The following GSTA5 variants were observed in gnomAD, a reference collection of about 807,000 sequenced individuals.
GSTA5 encodes the protein glutathione S-transferase A5.
GSTA5 carries 25 observed loss-of-function variants against 21.8 expected under a neutral mutation model. The observed-to-expected ratio is 1.14, with a 90% CI of 0.83 to 1.60. GSTA5 has a LOEUF of 1.60. GSTA5 is among the 40% of genes most tolerant of loss of function. The probability of loss-of-function intolerance (pLI) is 0.00; values close to 1 mark genes in which losing one functional copy is unlikely to be tolerated. For synonymous variants in GSTA5, 102 were observed against 89.5 expected, an observed-to-expected ratio of 1.14 and a Z score of -0.78; for missense variants, 330 against 259.2, an observed-to-expected ratio of 1.27 and a Z score of -1.88.
At chr6:52,831,892 C>T in exon 6 of GSTA5, 1 of 1,613,888 alleles carries the variant, frequency 6.2e-7, no homozygotes. Context: ...GATTTCTCAT[C>T]CATGGGAGGC....
At chr6:52,835,735 G>C (rs188859630) in intron 3 of GSTA5, among the ~76,000 whole-genome samples, 1 of 152,292 alleles carries the variant, frequency 6.6e-6, no homozygotes, top group East Asian at 1.9e-4. Context: ...CTGGGCACCA[G>C]CCTCTACTAG....
At chr6:52,844,153 G>A (rs971386127), upstream of GSTA5, among the ~76,000 whole-genome samples, 4 of 152,298 alleles carry the variant, frequency 2.6e-5, no homozygotes, top group South Asian at 2.1e-4. Flanking sequence ...GAAAGCTAAA[G>A]CACCTATCTC....
intron 3 of GSTA5, 107 bp from the exon 4 acceptor site, chr6:52,834,389 C>T (rs1764264357): frequency 9.3e-7 from 1 of 1,069,852 alleles, no homozygotes; most frequent in Non-Finnish European, 1.4e-6. Flanking sequence ...AGTAATTCAC[C>T]TCCAGTTAGT....
chr6:52,833,748 A>T (rs1005674626), intron 4 of GSTA5, among the ~76,000 whole-genome samples: 10 of 152,330 alleles, frequency 6.6e-5, no homozygotes, highest in African/African-American at 2.4e-4. Context: ...CTTCCTACAC[A>T]GGATGCCAGA....
upstream of GSTA5, among the ~76,000 whole-genome samples, chr6:52,845,095 T>C (rs1235531701): frequency 6.6e-6 from 1 of 152,146 alleles, no homozygotes; most frequent in Non-Finnish European, 1.5e-5. Context: ...TCCAGACATA[T>C]CAAATCTGTC....
intron 4 of GSTA5, 48 bp from the exon 5 acceptor site, chr6:52,833,038 G>A (rs1445479209): frequency 1.2e-6 from 2 of 1,607,544 alleles, no homozygotes; most frequent in South Asian, 2.2e-5. Flanking sequence ...CACCCAGGCT[G>A]GGACCCCTGC....
chr6:52,845,451 A>C (rs999788254), upstream of GSTA5, among the ~76,000 whole-genome samples: 1 of 152,190 alleles, frequency 6.6e-6, no homozygotes, highest in Non-Finnish European at 1.5e-5. Flanking sequence ...CTCCATTCAA[A>C]GAATTACACA....
At chr6:52,842,406 C>CTTTTT (rs3063633), upstream of GSTA5, among the ~76,000 whole-genome samples, 4 of 128,804 alleles carry the variant, frequency 3.1e-5, no homozygotes, top group Non-Finnish European at 6.3e-5. Context: ...TAATGTATTT[C>CTTTTT]TTTTTTTTTT....
intron 4 of GSTA5, 117 bp from the exon 5 acceptor site, chr6:52,833,107 G>A (rs1362754819): frequency 2.6e-6 from 3 of 1,133,052 alleles, no homozygotes; most frequent in Middle Eastern, 2.0e-4. Context: ...TTGCATGGGT[G>A]CAGAAATCCC....
upstream of GSTA5, among the ~76,000 whole-genome samples, chr6:52,843,820 C>A (rs1764417449): frequency 6.6e-6 from 1 of 152,176 alleles, no homozygotes; most frequent in Admixed American, 6.5e-5. Flanking sequence ...ACACTAAGCT[C>A]CCTTAGCCAT....
At chr6:52,840,625 G>A in intron 1 of GSTA5, 102 bp downstream of exon 1, 3 of 1,065,864 alleles carry the variant, frequency 2.8e-6, no homozygotes, top group South Asian at 2.8e-5. Flanking sequence ...TTTTATTTAA[G>A]GCACAATGCT....
chr6:52,840,343 A>G (rs958804933), intron 1 of GSTA5, among the ~76,000 whole-genome samples: 3 of 152,218 alleles, frequency 2.0e-5, no homozygotes, highest in Non-Finnish European at 2.9e-5. Flanking sequence ...TGTTTTCCTA[A>G]AACACATAAA....
exon 6 of GSTA5, chr6:52,831,967 G>A (rs778626136): frequency 1.1e-4 from 172 of 1,612,308 alleles, no homozygotes; most frequent in Non-Finnish European, 1.4e-4. Context: ...CTGGTTTTCA[G>A]GGCCTGTAAT....
Position 52,836,373 on chromosome 6 carries a change from G to GA in GSTA5, c.140-6dup. On this transcript the variant is annotated splice_polypyrimidine_tract_variant and splice_region_variant and intron_variant, in intron 2 of 5. Coordinates refer to ENST00000370989, the Ensembl canonical transcript of GSTA5. ...GCTGGAACAGCAAACTCCCATCTTAGAAAGAAGAAAAAAAAAGGAGTATGA... is the reference window on the plus strand; with the variant it reads ...GCTGGAACAGCAAACTCCCATCTTAGAAAAGAAGAAAAAAAAAGGAGTATGA... The GA allele has an allele frequency of 6.2e-7, 1 of 1,606,712 alleles. No homozygotes were observed. The highest frequency in any genetic ancestry group is 8.5e-7 in the Non-Finnish European group (1 of 1,177,550).
upstream of GSTA5, among the ~76,000 whole-genome samples, chr6:52,844,554 C>G (rs926869012): frequency 3.3e-5 from 5 of 152,144 alleles, no homozygotes; most frequent in African/African-American, 1.2e-4. Context: ...AGAATTACAT[C>G]TCTGAGGTGG....
intron 1 of GSTA5, among the ~76,000 whole-genome samples, chr6:52,839,313 C>A (rs1764338558): frequency 6.6e-6 from 1 of 152,182 alleles, no homozygotes; most frequent in South Asian, 2.1e-4. Flanking sequence ...TTCCTCCCAG[C>A]CTTGCCCCTC....
upstream of GSTA5, among the ~76,000 whole-genome samples, chr6:52,845,438 G>A (rs1764441199): frequency 6.6e-6 from 1 of 152,282 alleles, no homozygotes; most frequent in South Asian, 2.1e-4. Flanking sequence ...GGGCCGGACA[G>A]ATCTCCATTC....
chr6:52,844,545 G>A (rs1464707534), upstream of GSTA5, among the ~76,000 whole-genome samples: 1 of 152,168 alleles, frequency 6.6e-6, no homozygotes, highest in Non-Finnish European at 1.5e-5. Context: ...TAAATTAAAA[G>A]AATTACATCT....
chr6:52,838,801 G>A (rs1338301442), intron 1 of GSTA5, among the ~76,000 whole-genome samples: 3 of 152,132 alleles, frequency 2.0e-5, no homozygotes, highest in Non-Finnish European at 1.5e-5. Context: ...AGGAATTATT[G>A]CTTAAAATCT....
Sources: gnomAD v4.1 joint callset for allele counts (sites outside exome capture counted in the v4.1 genomes callset) on GRCh38, gnomAD v4.1.1 for gene constraint, MANE v1.5 for transcripts, NCBI Gene and HGNC (gene_info 2026-07-23, HGNC 2026-07-21) for gene names.